Variants in STOX2 observed in about 807,000 individuals in gnomAD.
STOX2 encodes the protein storkhead box 2, also known as storkhead-box protein 2.
STOX2 carries 28 observed loss-of-function variants against 60.9 expected under a neutral mutation model. The ratio of observed to expected loss-of-function variants is 0.46; its 90% CI spans 0.34 to 0.63. STOX2 has a LOEUF of 0.63. Among genes scored for constraint, STOX2 ranks in the 30% least tolerant of loss-of-function variants. The probability of loss-of-function intolerance (pLI) is 0.01; values close to 1 mark genes in which losing one functional copy is unlikely to be tolerated. For missense variants in STOX2, 1,024 were observed against 1,187.7 expected, an observed-to-expected ratio of 0.86 and a Z score of 2.03; for synonymous variants, 472 against 463.9, an observed-to-expected ratio of 1.02 and a Z score of -0.22.
At chr4:183,929,200 T>C (rs1742339094) in intron 1 of STOX2, among the ~76,000 whole-genome samples, 1 of 152,248 alleles carries the variant, frequency 6.6e-6, no homozygotes, top group African/African-American at 2.4e-5. Flanking sequence ...CCATTGCTCA[T>C]GGCTGGTTTC....
At position 184,009,520 on chromosome 4, in the gene STOX2, C is replaced by G. The variant is rs769773101; in HGVS notation, c.682C>G (p.Pro228Ala). 6.2e-7 allele frequency: 1 copy of G among 1,614,020 alleles called. No homozygotes were observed. Residue 228 changes from proline to alanine, a missense_variant, in exon 3 of 4, where the codon CCC becomes GCC. Physicochemically the swap from Pro to Ala is conservative, Grantham distance 27. This residue lies in a region of STOX2 where 922 missense variants were observed against 1,058.3 expected (regional missense o/e 0.87). Coordinates refer to ENST00000308497, the MANE Select transcript of STOX2 (RefSeq NM_020225.3). The surrounding 1 kb of genome is among the most constrained non-coding windows in gnomAD (Gnocchi z 4.0). ...SAKDCKDPYC[P>A]PSLCQVPPTE... ...CAAGGACTGCAAAGACCCTTACTGTCCCCCTTCTCTGTGCCAGGTGCCACC... is the reference window on the plus strand; with the variant it reads ...CAAGGACTGCAAAGACCCTTACTGTGCCCCTTCTCTGTGCCAGGTGCCACC...
chr4:183,832,993 T>C (rs1322709987), intron 1 of STOX2, among the ~76,000 whole-genome samples: 1 of 152,232 alleles, frequency 6.6e-6, no homozygotes, highest in Admixed American at 6.5e-5. Flanking sequence ...CAATCTCCAA[T>C]AGGAGTATTA....
chr4:183,907,313 T>C (rs776031151), intron 1 of STOX2, among the ~76,000 whole-genome samples: 22 of 152,230 alleles, frequency 1.4e-4, no homozygotes, highest in South Asian at 2.1e-4. Context: ...GGCTGCTGCA[T>C]TGTGGCCGGT....
chr4:183,828,626 G>A (rs1385151542), intron 1 of STOX2, among the ~76,000 whole-genome samples: 2 of 152,158 alleles, frequency 1.3e-5, no homozygotes, highest in South Asian at 2.1e-4. Flanking sequence ...TCCCAGAGGC[G>A]ACAGATTTAA....
intron 1 of STOX2, among the ~76,000 whole-genome samples, chr4:183,980,184 T>C (rs985342612): frequency 2.0e-5 from 3 of 152,150 alleles, no homozygotes; most frequent in South Asian, 2.1e-4. Flanking sequence ...TAAACAAAAA[T>C]GCATGATCCA....
intron 1 of STOX2, among the ~76,000 whole-genome samples, chr4:183,979,379 C>T (rs1288221893): frequency 6.6e-6 from 1 of 152,184 alleles, no homozygotes; most frequent in African/African-American, 2.4e-5. Flanking sequence ...CAGGCCCCAC[C>T]TCCAACACTG....
At chr4:183,890,499 A>C (rs7435568) in intron 1 of STOX2, among the ~76,000 whole-genome samples, 1 of 124,968 alleles carries the variant, frequency 8.0e-6, no homozygotes, top group Non-Finnish European at 1.6e-5. Context: ...AAAAAAAAAA[A>C]CAGCAACAGA....
At chr4:183,827,964 A>G (rs1739474254) in intron 1 of STOX2, among the ~76,000 whole-genome samples, 1 of 151,922 alleles carries the variant, frequency 6.6e-6, no homozygotes, top group South Asian at 2.1e-4. Context: ...AAAATATCAT[A>G]TTATTGGTAA....
chr4:183,907,364 A>G (rs761074365), intron 1 of STOX2, among the ~76,000 whole-genome samples: 1 of 152,190 alleles, frequency 6.6e-6, no homozygotes, highest in Non-Finnish European at 1.5e-5. Context: ...GTTCTCCAAA[A>G]GGAACAGGTT....
upstream of STOX2, among the ~76,000 whole-genome samples, chr4:183,901,595 G>GTTT (rs1389708387): frequency 1.7e-4 from 22 of 130,548 alleles, no homozygotes; most frequent in African/African-American, 7.5e-4. Flanking sequence ...TGGTTTTTGG[G>GTTT]TATTTTTTTT....
chr4:183,987,528 G>A (rs1417619973), intron 1 of STOX2: 2 of 152,076 alleles, frequency 1.3e-5, no homozygotes, highest in Non-Finnish European at 2.9e-5. Context: ...GGAGGAACCA[G>A]CCACCCCCCA....
chr4:183,873,466 G>A (rs1740743602), intron 1 of STOX2, among the ~76,000 whole-genome samples: 2 of 149,306 alleles, frequency 1.3e-5, no homozygotes, highest in Non-Finnish European at 3.0e-5. Context: ...AAAAAAAAAG[G>A]GAGGATTGGT....
In STOX2 at chr4:183,919,384, G is replaced by A. The variant is rs190185294; in HGVS notation, c.166+12428G>A. Among the ~76,000 whole-genome samples, 625 of 152,306 alleles carry A rather than the reference G, an allele frequency of 4.1e-3. 2 individuals carry two copies. Among genetic ancestry groups the A allele is most frequent in the Non-Finnish European group, 6.9e-3 (469 of 68,030 alleles). On this transcript the variant is annotated intron_variant, in intron 1 of 3. Coordinates refer to ENST00000308497, the MANE Select transcript of STOX2 (RefSeq NM_020225.3). ...GTGTGCTTGGGCTGGGACTGGCCGT[G>A]GGCCAGCTAGAGGTGGGGTTTATGG...
intron 1 of STOX2, chr4:183,798,202 C>G: frequency 1.3e-6 from 1 of 778,696 alleles, no homozygotes. Context: ...GGGGGAGGAG[C>G]CGGGGGCCCT....
chr4:183,972,553 A>G (rs192014869), intron 1 of STOX2, among the ~76,000 whole-genome samples: 53 of 152,328 alleles, frequency 3.5e-4, no homozygotes, highest in African/African-American at 1.2e-3. Context: ...ACTGCATGGT[A>G]TACATGTAAG....
intron 1 of STOX2, among the ~76,000 whole-genome samples, chr4:183,892,686 A>G (rs1377978372): frequency 6.6e-6 from 1 of 152,130 alleles, no homozygotes; most frequent in Non-Finnish European, 1.5e-5. Context: ...AACAGTCTGC[A>G]GTGACATGGA....
intron 1 of STOX2, among the ~76,000 whole-genome samples, chr4:183,924,702 G>C (rs1206485283): frequency 2.0e-5 from 3 of 152,150 alleles, no homozygotes; most frequent in African/African-American, 7.2e-5. Context: ...GGGCCTAGAG[G>C]AAGAAACTGA....
chr4:183,802,189 C>T (rs767304243), intron 1 of STOX2, among the ~76,000 whole-genome samples: 1 of 152,238 alleles, frequency 6.6e-6, no homozygotes, highest in Non-Finnish European at 1.5e-5. Context: ...TTGATCCTCA[C>T]ATGTTTAAAT....
chr4:184,009,671 A>G lies in STOX2; in HGVS notation c.833A>G (p.Asp278Gly). The change falls in exon 3 of 4, where the codon GAC becomes GGC. Residue 278 changes from aspartate to glycine, a missense_variant. Physicochemically the swap from Asp to Gly is moderately conservative, Grantham distance 94. Transcript: ENST00000308497. This position sits in a 1 kb window ranked among gnomAD's most constrained non-coding sequence, Gnocchi z 4.0. Reference sequence around the variant, plus strand: ...TTATTCCGGTTAAGTTTTAAAAAAGACAAGACCAAACAGCTGGCCAATTTT... The same window carrying G: ...TTATTCCGGTTAAGTTTTAAAAAAGGCAAGACCAAACAGCTGGCCAATTTT... ...LKLFRLSFKK[D>G]KTKQLANFSA... 6.2e-7 allele frequency: 1 copy of G among 1,613,854 alleles called. No individual in the cohort carries two copies. Among genetic ancestry groups the G allele is most frequent in the Middle Eastern group, 1.6e-4 (1 of 6,062 alleles).
Sources: allele counts gnomAD v4.1 joint callset (sites outside exome capture counted in the v4.1 genomes callset), GRCh38; gene constraint gnomAD v4.1.1; regional missense constraint gnomAD v4.1.1; non-coding constraint Gnocchi (gnomAD v3.1); transcripts MANE v1.5; gene names NCBI Gene and HGNC (gene_info 2026-07-23, HGNC 2026-07-21).